Variants in ASXL3 observed in about 807,000 individuals in gnomAD.
ASXL3 encodes the protein ASXL transcriptional regulator 3, also known as putative Polycomb group protein ASXL3.
In ASXL3, 34 loss-of-function variants were observed where a neutral mutation model predicts 170.6. That is an observed-to-expected ratio of 0.20 (90% CI 0.15 to 0.27). The LOEUF is 0.27. ASXL3 is among the 10% of genes least tolerant of loss of function. The pLI, the probability that ASXL3 is intolerant of heterozygous loss-of-function variation, is 1.00. For missense variants in ASXL3, 2,592 were observed against 2,695.3 expected (o/e 0.96, Z 0.85); for synonymous variants, 1,002 against 989.1 (o/e 1.01, Z -0.24).
intron 8 of ASXL3, among the ~76,000 whole-genome samples, chr18:33,709,648 A>G (rs2067022625): frequency 6.6e-6 from 1 of 152,214 alleles, no homozygotes. Context: ...AAGTGCTGTT[A>G]ATGTTCTGTT....
intron 5 of ASXL3, among the ~76,000 whole-genome samples, chr18:33,663,362 A>G (rs1025485152): frequency 4.6e-5 from 7 of 152,168 alleles, no homozygotes; most frequent in Middle Eastern, 3.2e-3. Context: ...ATCTTCCTGT[A>G]TATGAATGGA....
chr18:33,664,665 A>G (rs2066229374), intron 5 of ASXL3, among the ~76,000 whole-genome samples: 1 of 152,242 alleles, frequency 6.6e-6, no homozygotes, highest in African/African-American at 2.4e-5. Flanking sequence ...TATGCCAGGC[A>G]TAATTTCTCA....
chr18:33,631,555 T>C (rs188479237), intron 2 of ASXL3, among the ~76,000 whole-genome samples: 270 of 152,250 alleles, frequency 1.8e-3, no homozygotes, highest in African/African-American at 6.2e-3. Flanking sequence ...TAATATAAAG[T>C]ATTCTTGATT....
In ASXL3 at chr18:33,743,280, C is replaced by T; in HGVS notation, c.3432C>T (p.Val1144=). The change falls in exon 12 of 12, where the codon GTC becomes GTT. Residue 1144 remains valine, a synonymous_variant. Transcript: ENST00000269197. ...AGGAAGGGCCTCCAAACTTAGAAGT[C>T]TCTTCTACCCCTGAAACAAAAATGG... ...SSKEGPPNLE[V]SSTPETKMEG... 1 of 1,613,886 alleles carries T rather than the reference C, an allele frequency of 6.2e-7. No individual in the cohort carries two copies. The highest frequency in any genetic ancestry group is 8.5e-7 in the Non-Finnish European group (1 of 1,179,834).
chr18:33,591,452 C>T (rs1458344988), intron 1 of ASXL3, among the ~76,000 whole-genome samples: 1 of 152,044 alleles, frequency 6.6e-6, no homozygotes, highest in Non-Finnish European at 1.5e-5. Context: ...TGAATATAAA[C>T]AAAAATATTA....
rs2066329148 is a variant in ASXL3 at position 33,670,803 on chromosome 18, A to C, written c.595+13A>C. On this transcript the variant is annotated intron_variant, in intron 6 of 11. Coordinates refer to ENST00000269197, the MANE Select transcript of ASXL3 (RefSeq NM_030632.3). ...GATTCGCCTTCAGGTAAAGAGCTGAAATATCATATGCTTGGCCAGTTTCTT... is the reference window on the plus strand; with the variant it reads ...GATTCGCCTTCAGGTAAAGAGCTGACATATCATATGCTTGGCCAGTTTCTT... 3 of 1,501,806 alleles carry C rather than the reference A, an allele frequency of 2.0e-6. No individual in the cohort carries two copies. In the East Asian group the frequency reaches 7.5e-5, roughly 37 times the overall value. 93.0% of individuals were successfully genotyped at this position (1,501,806 alleles called of 1,614,324 possible).
chr18:33,603,835 G>C (rs923926136), intron 1 of ASXL3, among the ~76,000 whole-genome samples: 1 of 151,970 alleles, frequency 6.6e-6, no homozygotes, highest in African/African-American at 2.4e-5. Flanking sequence ...TAACACAAGA[G>C]AACAATTTGT....
In ASXL3 at chr18:33,648,085, GGCCAGGTTATATGGT is replaced by G. The variant is rs1306243231; in HGVS notation, c.355+1736_355+1750del. On this transcript the variant is annotated intron_variant, in intron 4 of 11. Transcript: ENST00000269197. ...GAAACAAAGCCAGGGAAGTTATGGG[GGCCAGGTTATATGGT>G]GCCTTGATGCTGGCTTCTGTTTTGA... Among the ~76,000 whole-genome samples the G allele has an allele frequency of 7.9e-5, 12 of 152,174 alleles. No individual in the cohort carries two copies. The East Asian group carries it at 1.9e-3, about 25-fold the overall frequency.
intron 5 of ASXL3, among the ~76,000 whole-genome samples, chr18:33,667,418 C>A (rs1424668858): frequency 6.6e-6 from 1 of 152,090 alleles, no homozygotes; most frequent in Non-Finnish European, 1.5e-5. Flanking sequence ...GAATATAAGT[C>A]CTCGAATCTA....
chr18:33,633,231 C>G (rs1230244243), intron 2 of ASXL3, among the ~76,000 whole-genome samples: 1 of 152,114 alleles, frequency 6.6e-6, no homozygotes, highest in East Asian at 1.9e-4. Context: ...GAAATACAAT[C>G]TTTTTATTTA....
chr18:33,710,858 A>G (rs1468132562), intron 8 of ASXL3, among the ~76,000 whole-genome samples: 1 of 152,102 alleles, frequency 6.6e-6, no homozygotes, highest in African/African-American at 2.4e-5. Context: ...TTATTTCTTT[A>G]CTGAATTTTT....
In ASXL3 at chr18:33,607,261, A is replaced by G. The variant is rs555651040; in HGVS notation, c.55-333A>G. Among the ~76,000 whole-genome samples, 126 of 152,124 alleles carry G rather than the reference A, an allele frequency of 8.3e-4. 1 individual carries two copies. The South Asian group carries it at 8.9e-3, about 11-fold the overall frequency. Reference sequence around the variant, plus strand: ...GGAAACATTTTAACAGCCTGAAAACATGACTTTCACCATAAAATTTTAGCA... The same window carrying G: ...GGAAACATTTTAACAGCCTGAAAACGTGACTTTCACCATAAAATTTTAGCA... On this transcript the variant is annotated intron_variant, in intron 1 of 11. Coordinates refer to ENST00000269197, the MANE Select transcript of ASXL3 (RefSeq NM_030632.3).
At position 33,749,272 on chromosome 18, in the gene ASXL3, G is replaced by A. The variant is rs2067847357; in HGVS notation, c.*2677G>A. ...ACAAAATCCAGTATATTCTGAGTAG[G>A]TTCTTAGTTTTCTGATTTCTACATG... is the stretch of plus-strand genomic sequence containing the variant. On this transcript the variant is annotated 3_prime_UTR_variant, in exon 12 of 12. Coordinates refer to ENST00000269197, the MANE Select transcript of ASXL3 (RefSeq NM_030632.3). 1 of 151,884 alleles carries A rather than the reference G, an allele frequency of 6.6e-6. No homozygotes were observed. 9.4% of individuals were successfully genotyped at this position (151,884 alleles called of 1,614,324 possible). A position where few individuals can be genotyped will look rare whatever the true frequency, so the allele number is the denominator to read the frequency against.
intron 8 of ASXL3, among the ~76,000 whole-genome samples, chr18:33,715,789 C>A (rs536325755): frequency 1.3e-5 from 2 of 152,114 alleles, no homozygotes; most frequent in African/African-American, 4.8e-5. Context: ...AAAATAAAAT[C>A]TTTGAGACAT....
chr18:33,581,852 T>A (rs797013908), intron 1 of ASXL3, among the ~76,000 whole-genome samples: 58 of 152,312 alleles, frequency 3.8e-4, no homozygotes, highest in African/African-American at 1.4e-3. Context: ...GGAATGGTGG[T>A]ACAATTTGCC....
At chr18:33,702,891 A>G (rs539489047) in intron 8 of ASXL3, among the ~76,000 whole-genome samples, 1 of 152,274 alleles carries the variant, frequency 6.6e-6, no homozygotes, top group South Asian at 2.1e-4. Flanking sequence ...TCAAGATTTT[A>G]TAATCTGCTT....
At chr18:33,606,131 C>A (rs2065245713) in intron 1 of ASXL3, among the ~76,000 whole-genome samples, 1 of 151,820 alleles carries the variant, frequency 6.6e-6, no homozygotes, top group Non-Finnish European at 1.5e-5. Context: ...ATGCAGTTTC[C>A]TTATTGCCTT....
intron 8 of ASXL3, among the ~76,000 whole-genome samples, chr18:33,685,013 G>A (rs1047369491): frequency 2.0e-5 from 3 of 152,138 alleles, no homozygotes; most frequent in East Asian, 1.9e-4. Context: ...GTTGACTTTG[G>A]AAGATTTCTT....
intron 1 of ASXL3, among the ~76,000 whole-genome samples, chr18:33,586,406 T>A (rs1017449840): frequency 5.9e-5 from 9 of 151,628 alleles, no homozygotes; most frequent in African/African-American, 2.2e-4. Context: ...TTGCCTTCCT[T>A]TTTTTTTAAA....
Sources: allele counts gnomAD v4.1 joint callset (sites outside exome capture counted in the v4.1 genomes callset), GRCh38; gene constraint gnomAD v4.1.1; transcripts MANE v1.5; gene names NCBI Gene and HGNC (gene_info 2026-07-23, HGNC 2026-07-21).